ANTXR1: variants seen among roughly 807,000 people sequenced by gnomAD.
The protein encoded by ANTXR1 is anthrax toxin receptor 1.
A neutral mutation model predicts 78.1 loss-of-function variants in ANTXR1; 19 were observed. The observed-to-expected ratio is 0.24, with a 90% CI of 0.17 to 0.36. ANTXR1 has a LOEUF of 0.36. Among genes scored for constraint, ANTXR1 ranks in the 10% least tolerant of loss-of-function variants. The pLI is 1.00. For synonymous variants in ANTXR1, 273 were observed against 260.5 expected, an observed-to-expected ratio of 1.05 and a Z score of -0.46; for missense variants, 518 against 718.6, an observed-to-expected ratio of 0.72 and a Z score of 3.19.
intron 16 of ANTXR1, among the ~76,000 whole-genome samples, chr2:69,188,543 T>C (rs536343937): frequency 6.6e-6 from 1 of 152,348 alleles, no homozygotes; most frequent in Admixed American, 6.5e-5. Flanking sequence ...AAGATACAGT[T>C]TGGGAGCATG....
At chr2:69,074,174 T>C (rs947528151) in intron 6 of ANTXR1, among the ~76,000 whole-genome samples, 2 of 152,252 alleles carry the variant, frequency 1.3e-5, no homozygotes, top group South Asian at 2.1e-4. Context: ...AGAAATTATG[T>C]AGGTAAACTC....
At chr2:69,243,427 G>A (rs1035932628) in intron 17 of ANTXR1, among the ~76,000 whole-genome samples, 1 of 152,152 alleles carries the variant, frequency 6.6e-6, no homozygotes, top group Non-Finnish European at 1.5e-5. Flanking sequence ...TGTAACTAGA[G>A]AACTCAAGGA....
At chr2:69,129,401 T>C (rs1193668082) in intron 12 of ANTXR1, among the ~76,000 whole-genome samples, 1 of 152,204 alleles carries the variant, frequency 6.6e-6, no homozygotes, top group Non-Finnish European at 1.5e-5. Context: ...TGTCTCCTAG[T>C]CACTGTCCTT....
intron 8 of ANTXR1, among the ~76,000 whole-genome samples, chr2:69,086,450 A>G (rs1671053159): frequency 6.6e-6 from 1 of 152,224 alleles, no homozygotes; most frequent in Non-Finnish European, 1.5e-5. Flanking sequence ...TCGTCCTCCC[A>G]CCAATAATCC....
chr2:69,170,433 A>C, intron 14 of ANTXR1, 144 bp downstream of exon 14: 1 of 945,256 alleles, frequency 1.1e-6, no homozygotes, highest in Middle Eastern at 3.2e-4. Flanking sequence ...TGTGAAGCAG[A>C]AGGGAGGAAA....
intron 1 of ANTXR1, among the ~76,000 whole-genome samples, chr2:69,025,950 A>G (rs565207488): frequency 6.6e-6 from 1 of 152,362 alleles, no homozygotes; most frequent in East Asian, 1.9e-4. Flanking sequence ...AAGGTCAAAC[A>G]GGTAAAGCAA....
intron 10 of ANTXR1, among the ~76,000 whole-genome samples, chr2:69,106,912 G>A (rs1363524727): frequency 6.6e-6 from 1 of 152,162 alleles, no homozygotes; most frequent in African/African-American, 2.4e-5. Context: ...AAATAAATGT[G>A]TTTAAAATGT....
At chr2:69,029,566 A>G (rs940982257) in intron 1 of ANTXR1, among the ~76,000 whole-genome samples, 13 of 151,812 alleles carry the variant, frequency 8.6e-5, no homozygotes, top group African/African-American at 3.1e-4. Flanking sequence ...CAACAAAGAA[A>G]AAAAAATAGG....
At chr2:69,069,011 T>C (rs914156589) in intron 3 of ANTXR1, among the ~76,000 whole-genome samples, 10 of 152,204 alleles carry the variant, frequency 6.6e-5, no homozygotes, top group African/African-American at 2.2e-4. Context: ...TACACGGGTA[T>C]TGAAAAGAGA....
chr2:69,078,608 T>C (rs2104238863), intron 8 of ANTXR1, among the ~76,000 whole-genome samples: 1 of 152,294 alleles, frequency 6.6e-6, no homozygotes, highest in Middle Eastern at 3.4e-3. Flanking sequence ...AGAGTTTCAT[T>C]GGCCCACGTA....
chr2:69,248,945 T>C lies in ANTXR1; in HGVS notation c.*3460T>C, dbSNP rs766335120. 5.9e-5 allele frequency: 9 copies of C among 152,218 alleles called. No individual in the cohort carries two copies. The highest frequency in any genetic ancestry group is 8.8e-5 in the Non-Finnish European group (6 of 68,050). 9.4% of individuals were successfully genotyped at this position (152,218 alleles called of 1,614,324 possible). ...ATATTATCATACTCAGATAACCAAA[T>C]TAAAAGAATTAGAATATGATTTTTA... On this transcript the variant is annotated 3_prime_UTR_variant, in exon 18 of 18. Transcript: ENST00000303714.
intron 9 of ANTXR1, among the ~76,000 whole-genome samples, chr2:69,095,214 T>C (rs1671360040): frequency 6.6e-6 from 1 of 152,222 alleles, no homozygotes; most frequent in South Asian, 2.1e-4. Context: ...TCCTTTTCTT[T>C]CTTCTTTCCC....
At chr2:69,017,365 G>A (rs1238983882) in intron 1 of ANTXR1, among the ~76,000 whole-genome samples, 1 of 152,156 alleles carries the variant, frequency 6.6e-6, no homozygotes, top group Non-Finnish European at 1.5e-5. Context: ...GCAAGACACT[G>A]TCTACAGTCT....
At chr2:69,077,206 C>T (rs1180702460) in intron 7 of ANTXR1, 1 of 615,498 alleles carries the variant, frequency 1.6e-6, no homozygotes, top group African/African-American at 1.8e-5. Context: ...TGGAGCCAAC[C>T]CTTGGCCTGC....
At chr2:69,096,880 C>A (rs1018644819) in intron 9 of ANTXR1, among the ~76,000 whole-genome samples, 6 of 152,162 alleles carry the variant, frequency 3.9e-5, no homozygotes, top group African/African-American at 1.4e-4. Flanking sequence ...ACCCCAGTAC[C>A]CAGGCCAAGC....
intron 3 of ANTXR1, among the ~76,000 whole-genome samples, chr2:69,045,130 C>T (rs368118406): frequency 1.3e-5 from 2 of 152,190 alleles, no homozygotes; most frequent in African/African-American, 2.4e-5. Flanking sequence ...TATTGGGGGA[C>T]TATATTTTCT....
chr2:69,083,507 G>T (rs1670957356), intron 8 of ANTXR1, among the ~76,000 whole-genome samples: 1 of 152,118 alleles, frequency 6.6e-6, no homozygotes, highest in Admixed American at 6.5e-5. Flanking sequence ...CCAATTTTTT[G>T]AAGCTCTTGC....
intron 15 of ANTXR1, 60 bp downstream of exon 15, chr2:69,181,941 G>T: frequency 7.7e-6 from 12 of 1,560,026 alleles, no homozygotes; most frequent in Non-Finnish European, 1.1e-5. Flanking sequence ...CGAGGTACCA[G>T]CCGGGCCTGA....
intron 3 of ANTXR1, among the ~76,000 whole-genome samples, chr2:69,066,144 G>A (rs1670391615): frequency 6.6e-6 from 1 of 152,214 alleles, no homozygotes; most frequent in Non-Finnish European, 1.5e-5. Context: ...GATGGTGATG[G>A]AGGTTGTTTT....
Sources: allele counts gnomAD v4.1 joint callset (sites outside exome capture counted in the v4.1 genomes callset), GRCh38; gene constraint gnomAD v4.1.1; transcripts MANE v1.5; gene names NCBI Gene and HGNC (gene_info 2026-07-23, HGNC 2026-07-21).